The following CUX1 variants were observed in gnomAD, a reference collection of about 807,000 sequenced individuals.
CUX1 encodes the protein protein CASP.
Under a neutral mutation model 158.8 loss-of-function variants are expected in CUX1, and 31 were observed. The ratio of observed to expected loss-of-function variants is 0.20; its 90% CI spans 0.15 to 0.26. The LOEUF (loss-of-function observed/expected upper bound fraction) is 0.26, where lower values mean the gene tolerates loss of function less well. Among genes scored for constraint, CUX1 ranks in the 10% least tolerant of loss-of-function variants. CUX1 has a pLI of 1.00. For missense variants in CUX1, 1,589 were observed against 2,014.6 expected, an observed-to-expected ratio of 0.79 and a Z score of 4.04; for synonymous variants, 879 against 862.1, an observed-to-expected ratio of 1.02 and a Z score of -0.34.
At chr7:101,816,998 C>T (rs1478422748), upstream of CUX1, 3 of 984,224 alleles carry the variant, frequency 3.0e-6, no homozygotes, top group African/African-American at 1.8e-5. Context: ...CTTTTGTGTG[C>T]CTGTGTCGGT....
intron 1 of CUX1, among the ~76,000 whole-genome samples, chr7:101,836,959 C>T (rs186405758): frequency 1.7e-3 from 260 of 152,324 alleles, no homozygotes; most frequent in Non-Finnish European, 3.3e-3. Flanking sequence ...CTGCAGTGCC[C>T]CGTCCCCATT....
chr7:102,029,868 C>T (rs529165917), intron 3 of CUX1, among the ~76,000 whole-genome samples: 2 of 152,312 alleles, frequency 1.3e-5, no homozygotes, highest in African/African-American at 2.4e-5. Flanking sequence ...ACCTGTCCAG[C>T]GGCTTTTGGG....
At position 102,175,856 on chromosome 7, in the gene CUX1, T is replaced by C. The variant is rs1017439908; in HGVS notation, c.829-2613T>C. Among the ~76,000 whole-genome samples, 24 of 152,370 alleles carry C rather than the reference T, an allele frequency of 1.6e-4. No homozygotes were observed. The East Asian group carries it at 2.3e-3, about 15-fold the overall frequency. Reference sequence around the variant, plus strand: ...AGTCTGTGGCAGACTGATCGTTTTATATAAAAGACATTTAAAATGTCACCG... The same window carrying C: ...AGTCTGTGGCAGACTGATCGTTTTACATAAAAGACATTTAAAATGTCACCG... On this transcript the variant is annotated intron_variant, in intron 10 of 23. Coordinates refer to ENST00000292535, the MANE Select transcript of CUX1 (RefSeq NM_181552.4).
At chr7:102,086,192 C>A (rs1554480428) in intron 4 of CUX1, among the ~76,000 whole-genome samples, 2 of 150,646 alleles carry the variant, frequency 1.3e-5, no homozygotes, top group Non-Finnish European at 3.0e-5. Context: ...AGAGGCTTAT[C>A]AATTTTAAAG....
At chr7:102,176,773 A>G (rs1554512135) in intron 10 of CUX1, among the ~76,000 whole-genome samples, 3 of 151,446 alleles carry the variant, frequency 2.0e-5, no homozygotes, top group Non-Finnish European at 4.4e-5. Context: ...GGTTTTCGCC[A>G]TGTGGCCCAA....
intron 2 of CUX1, among the ~76,000 whole-genome samples, chr7:101,925,804 G>A (rs1324702888): frequency 2.6e-5 from 4 of 152,100 alleles, no homozygotes; most frequent in Middle Eastern, 3.4e-3. Flanking sequence ...GTGGTGGTGC[G>A]TACCTATGGT....
chr7:101,848,083 A>G (rs1312463245), intron 1 of CUX1, among the ~76,000 whole-genome samples: 1 of 151,832 alleles, frequency 6.6e-6, no homozygotes, highest in Non-Finnish European at 1.5e-5. Flanking sequence ...AAAGAAAAGA[A>G]AAAATAAACT....
At chr7:102,194,071 T>G in intron 13 of CUX1, 181 bp downstream of exon 13, 9 of 682,968 alleles carry the variant, frequency 1.3e-5, no homozygotes, top group Non-Finnish European at 2.3e-5. Context: ...TTGTCTCCTT[T>G]TTTTCCATGT....
intron 1 of CUX1, among the ~76,000 whole-genome samples, chr7:101,840,739 A>G (rs1318774237): frequency 6.6e-6 from 1 of 152,178 alleles, no homozygotes; most frequent in African/African-American, 2.4e-5. Context: ...AACAATTTAT[A>G]TAACATGAGG....
At chr7:102,221,218 G>A (rs1234166698) in intron 20 of CUX1, among the ~76,000 whole-genome samples, 1 of 152,228 alleles carries the variant, frequency 6.6e-6, no homozygotes, top group Non-Finnish European at 1.5e-5. Context: ...ATAATGTTTG[G>A]GTTCTTGTCA....
intron 1 of CUX1, among the ~76,000 whole-genome samples, chr7:101,909,278 T>C (rs1203687681): frequency 6.7e-6 from 1 of 149,762 alleles, no homozygotes; most frequent in Non-Finnish European, 1.5e-5. Context: ...GGCGGGAGGA[T>C]CTCTTGAGGC....
chr7:102,059,100 G>A (rs148490054), intron 3 of CUX1, among the ~76,000 whole-genome samples: 12 of 152,340 alleles, frequency 7.9e-5, no homozygotes, highest in African/African-American at 2.9e-4. Context: ...TGGGGAGAGA[G>A]AAGACAGCTA....
chr7:102,111,564 G>A (rs1474835004), intron 6 of CUX1, 134 bp from the exon 7 acceptor site: 5 of 739,960 alleles, frequency 6.8e-6, no homozygotes, highest in African/African-American at 3.4e-5. Flanking sequence ...CACACGTGTC[G>A]TTGCGGGCGA....
In CUX1 at chr7:102,250,862, A is replaced by T; in HGVS notation, c.*1820A>T. 3 of 985,308 alleles carry T rather than the reference A, an allele frequency of 3.0e-6. No homozygotes were observed. The highest frequency in any genetic ancestry group is 3.6e-6 in the Non-Finnish European group (3 of 829,926). The allele number at this position is 985,308 out of a possible 1,614,324, so 61.0% of individuals were successfully genotyped here. A position where few individuals can be genotyped will look rare whatever the true frequency, so the allele number is the denominator to read the frequency against. On this transcript the variant is annotated 3_prime_UTR_variant, in exon 24 of 24. Coordinates refer to ENST00000292535, the MANE Select transcript of CUX1 (RefSeq NM_181552.4). Reference sequence around the variant, plus strand: ...TGCACACGTAGAGTGCATTACTGCCACCTTTTTCAATAAGCTGTTTTATCA... The same window carrying T: ...TGCACACGTAGAGTGCATTACTGCCTCCTTTTTCAATAAGCTGTTTTATCA...
intron 2 of CUX1, among the ~76,000 whole-genome samples, chr7:101,952,982 G>T (rs774386399): frequency 2.0e-5 from 3 of 152,216 alleles, no homozygotes; most frequent in Non-Finnish European, 2.9e-5. Context: ...ATGTGTGTGT[G>T]TTCCGTAAAT....
rs1174837528 is a variant in CUX1, at chr7:101,869,675, G to A, written c.31-46440G>A. ...ACGCGGGGAGCCTCCGTGTCCTCAG[G>A]ACACCATGGAAGACGGCAGGACACA... On this transcript the variant is annotated intron_variant, in intron 1 of 23. Transcript: ENST00000292535. This position sits in a 1 kb window ranked among gnomAD's most constrained non-coding sequence, Gnocchi z 4.5. Among the ~76,000 whole-genome samples, 13 of 152,102 alleles carry A rather than the reference G, an allele frequency of 8.5e-5. No individual in the cohort carries two copies. Among genetic ancestry groups the A allele is most frequent in the Non-Finnish European group, 1.5e-4 (10 of 67,988 alleles).
At chr7:102,168,578 A>T (rs1554509464) in intron 9 of CUX1, among the ~76,000 whole-genome samples, 1 of 139,644 alleles carries the variant, frequency 7.2e-6, no homozygotes, top group African/African-American at 2.7e-5. Context: ...CAGGAGGTGG[A>T]GGCTGCAGTG....
chr7:102,053,380 G>A (rs1823760187), intron 3 of CUX1, among the ~76,000 whole-genome samples: 1 of 152,158 alleles, frequency 6.6e-6, no homozygotes, highest in Non-Finnish European at 1.5e-5. Context: ...CATGCTACGT[G>A]TAATAATCTC....
At chr7:102,016,157 A>G (rs1315698250) in intron 2 of CUX1, among the ~76,000 whole-genome samples, 2 of 152,096 alleles carry the variant, frequency 1.3e-5, no homozygotes, top group South Asian at 4.1e-4. Flanking sequence ...TATGTTGCCC[A>G]GGCTGGTGTT....
Sources: allele counts gnomAD v4.1 joint callset (sites outside exome capture counted in the v4.1 genomes callset), GRCh38; gene constraint gnomAD v4.1.1; non-coding constraint Gnocchi (gnomAD v3.1); transcripts MANE v1.5; gene names NCBI Gene and HGNC (gene_info 2026-07-23, HGNC 2026-07-21).